Variants in CEP112 observed in about 807,000 individuals in gnomAD.
CEP112 encodes centrosomal protein 112, also known as centrosomal protein of 112 kDa.
A neutral mutation model predicts 153.0 loss-of-function variants in CEP112; 127 were observed. The ratio of observed to expected loss-of-function variants is 0.83; its 90% CI spans 0.72 to 0.96. CEP112 has a LOEUF of 0.96. CEP112 is among the 40% of genes least tolerant of loss of function. CEP112 has a pLI of 0.00. For synonymous variants in CEP112, 358 were observed against 374.4 expected, an observed-to-expected ratio of 0.96 and a Z score of 0.51; for missense variants, 1,089 against 1,101.2, an observed-to-expected ratio of 0.99 and a Z score of 0.16.
intron 8 of CEP112, among the ~76,000 whole-genome samples, chr17:66,081,431 G>T (rs2067712993): frequency 6.6e-6 from 1 of 152,106 alleles, no homozygotes; most frequent in African/African-American, 2.4e-5. Flanking sequence ...ATTCTTGCCT[G>T]GGTGGCATTT....
At chr17:66,117,030 C>G (rs1032693230) in intron 6 of CEP112, among the ~76,000 whole-genome samples, 1 of 151,894 alleles carries the variant, frequency 6.6e-6, no homozygotes, top group Non-Finnish European at 1.5e-5. Context: ...CCATGCCTAG[C>G]TAATTTTTGT....
At chr17:65,970,763 G>GTATA in intron 17 of CEP112, among the ~76,000 whole-genome samples, 2 of 46,482 alleles carry the variant, frequency 4.3e-5, no homozygotes, top group African/African-American at 6.4e-5. Context: ...TTACAGGTAT[G>GTATA]TTACATGTTA....
chr17:65,981,007 G>A (rs147849770), intron 17 of CEP112, among the ~76,000 whole-genome samples: 74 of 152,106 alleles, frequency 4.9e-4, no homozygotes, highest in Middle Eastern at 3.4e-3. Flanking sequence ...CATGGAGAGG[G>A]GTTTCTCCAT....
chr17:65,660,354 CCTTCCTCCCTCCCTCCCTTCCT>C (rs1490011154), intron 24 of CEP112, among the ~76,000 whole-genome samples: 7 of 127,448 alleles, frequency 5.5e-5, no homozygotes, highest in Non-Finnish European at 1.1e-4. Context: ...CTCTCTCGTT[CCTTCCTCCCTCCCTCCCTTCCT>C]TCCTTCCTTC....
chr17:65,863,706 C>T (rs2058384475), intron 20 of CEP112, among the ~76,000 whole-genome samples: 2 of 146,300 alleles, frequency 1.4e-5, no homozygotes, highest in Admixed American at 6.8e-5. Flanking sequence ...TTGCAGTGAG[C>T]GCCACTGCAT....
At chr17:66,022,635 G>C (rs1434303769) in intron 16 of CEP112, among the ~76,000 whole-genome samples, 2 of 150,980 alleles carry the variant, frequency 1.3e-5, no homozygotes, top group Non-Finnish European at 2.9e-5. Context: ...CATGAACCTG[G>C]GAGGCAGAGC....
At chr17:65,977,512 C>T (rs958609968) in intron 17 of CEP112, among the ~76,000 whole-genome samples, 1 of 152,156 alleles carries the variant, frequency 6.6e-6, no homozygotes, top group Non-Finnish European at 1.5e-5. Context: ...CAAAATGATG[C>T]GGCTGCCTTT....
At chr17:65,765,485 A>G (rs528860119) in intron 21 of CEP112, among the ~76,000 whole-genome samples, 24 of 152,134 alleles carry the variant, frequency 1.6e-4, no homozygotes, top group African/African-American at 5.8e-4. Context: ...ATTTTTTTCT[A>G]CAATATTCAT....
At chr17:65,689,547 C>T (rs959394967) in intron 23 of CEP112, among the ~76,000 whole-genome samples, 1 of 152,182 alleles carries the variant, frequency 6.6e-6, no homozygotes, top group Non-Finnish European at 1.5e-5. Flanking sequence ...ATGAAAATGG[C>T]TCCCTCAGGA....
In CEP112 at chr17:65,701,317, T is replaced by C. The variant is rs116122777; in HGVS notation, c.2608-12099A>G. Among the ~76,000 whole-genome samples the C allele has an allele frequency of 6.6e-3, 1,003 of 152,238 alleles. 12 individuals carry two copies. Among genetic ancestry groups the C allele is most frequent in the African/African-American group, 0.023 (939 of 41,552 alleles). Reference sequence around the variant, plus strand: ...GAATAGGTGGCTAGGGTGCTGTCATTAACTAAGACAGAGAACACAGTAGAA... The same window carrying C: ...GAATAGGTGGCTAGGGTGCTGTCATCAACTAAGACAGAGAACACAGTAGAA... On this transcript the variant is annotated intron_variant, in intron 23 of 26. Coordinates refer to ENST00000535342, the MANE Select transcript of CEP112 (RefSeq NM_001199165.4).
At chr17:66,026,179 G>T (rs188589931) in intron 16 of CEP112, among the ~76,000 whole-genome samples, 1 of 152,016 alleles carries the variant, frequency 6.6e-6, no homozygotes, top group East Asian at 1.9e-4. Flanking sequence ...TACTTAATGG[G>T]TACATTATTT....
chr17:66,008,979 T>C (rs550692926), intron 16 of CEP112, among the ~76,000 whole-genome samples: 171 of 152,350 alleles, frequency 1.1e-3, no homozygotes, highest in African/African-American at 3.9e-3. Flanking sequence ...TGAATAGTGC[T>C]GCAATGAACA....
At chr17:66,016,838 G>A (rs2064796484) in intron 16 of CEP112, among the ~76,000 whole-genome samples, 1 of 151,902 alleles carries the variant, frequency 6.6e-6, no homozygotes, top group Non-Finnish European at 1.5e-5. Context: ...AACAATTTTT[G>A]AGAAAAATCT....
rs1051241352 is a variant in CEP112, at chr17:66,057,345, G to A, written c.1075-3466C>T. 1.9e-4 allele frequency among the ~76,000 whole-genome samples: 29 copies of A among 152,174 alleles called. 1 individual carries two copies. Among genetic ancestry groups the A allele is most frequent in the African/African-American group, 6.8e-4 (28 of 41,444 alleles). The stretch of plus-strand genomic sequence containing the variant: ...AAAAGAAGAGTCTTTAAGTAGCTGA[G>A]TTGATCCCTATCCCATAGAGAATAC... On this transcript the variant is annotated intron_variant, in intron 11 of 26. Transcript: ENST00000535342.
At chr17:65,699,652 C>A (rs1006286723) in intron 23 of CEP112, among the ~76,000 whole-genome samples, 1 of 152,084 alleles carries the variant, frequency 6.6e-6, no homozygotes, top group Non-Finnish European at 1.5e-5. Context: ...GGGGGTCTCA[C>A]TATGTTGCCC....
chr17:65,651,043 C>G (rs924112445), intron 24 of CEP112, among the ~76,000 whole-genome samples: 1 of 152,016 alleles, frequency 6.6e-6, no homozygotes, highest in African/African-American at 2.4e-5. Flanking sequence ...ATCACCTGAG[C>G]AGTGTACACT....
At chr17:65,658,807 G>T in intron 24 of CEP112, among the ~76,000 whole-genome samples, 1 of 152,006 alleles carries the variant, frequency 6.6e-6, no homozygotes, top group African/African-American at 2.4e-5. Flanking sequence ...AGCAGAAGCA[G>T]GGAATGACCA....
intron 20 of CEP112, among the ~76,000 whole-genome samples, chr17:65,871,677 C>A (rs2058675849): frequency 6.6e-6 from 1 of 152,108 alleles, no homozygotes; most frequent in Non-Finnish European, 1.5e-5. Context: ...TAAATACATG[C>A]AGAGAGAGGA....
intron 20 of CEP112, among the ~76,000 whole-genome samples, chr17:65,889,631 C>T (rs1324350074): frequency 6.6e-6 from 1 of 152,118 alleles, no homozygotes; most frequent in African/African-American, 2.4e-5. Context: ...CTCATCTTCA[C>T]TGTTGGTATC....
Sources: gnomAD v4.1 joint callset for allele counts (sites outside exome capture counted in the v4.1 genomes callset) on GRCh38, gnomAD v4.1.1 for gene constraint, MANE v1.5 for transcripts, NCBI Gene and HGNC (gene_info 2026-07-23, HGNC 2026-07-21) for gene names.